Variants in RUSC2 observed in about 807,000 individuals in gnomAD.
RUSC2 encodes RUN and SH3 domain containing 2, also known as AP-4 complex accessory subunit RUSC2.
In RUSC2, 34 loss-of-function variants were observed where a neutral mutation model predicts 122.2. That is an observed-to-expected ratio of 0.28 (90% CI 0.21 to 0.37). RUSC2 has a LOEUF of 0.37. RUSC2 is among the 10% of genes least tolerant of loss of function. RUSC2 has a pLI of 1.00. For synonymous variants in RUSC2, 784 were observed against 790.0 expected, an observed-to-expected ratio of 0.99 and a Z score of 0.13; for missense variants, 1,747 against 1,952.4, an observed-to-expected ratio of 0.89 and a Z score of 1.98.
chr9:35,546,403 G>A lies in RUSC2; in HGVS notation c.-92-27G>A. The A allele has an allele frequency of 1.4e-6, 1 of 698,010 alleles. No homozygotes were observed. The highest frequency in any genetic ancestry group is 2.1e-6 in the Non-Finnish European group (1 of 480,870). The allele number at this position is 698,010 out of a possible 1,614,324, so 43.2% of individuals were successfully genotyped here. A position where few individuals can be genotyped will look rare whatever the true frequency, so the allele number is the denominator to read the frequency against. ...CTGACTTCCAGGGAGGTGACATTAG[G>A]TTCCCTTTCTTTCCCTCTCTCTCCA... On this transcript the variant is annotated intron_variant, in intron 1 of 11. Coordinates refer to ENST00000361226, the MANE Select transcript of RUSC2 (RefSeq NM_014806.5). The surrounding 1 kb of genome is among the most constrained non-coding windows in gnomAD (Gnocchi z 4.3).
At chr9:35,542,083 GA>G (rs1821653093) in intron 1 of RUSC2, among the ~76,000 whole-genome samples, 1 of 152,168 alleles carries the variant, frequency 6.6e-6, no homozygotes, top group Admixed American at 6.5e-5. Flanking sequence ...GGCAAAGCAT[GA>G]GTACAAAATC....
intron 2 of RUSC2, chr9:35,549,095 A>G: frequency 2.0e-6 from 2 of 985,308 alleles, no homozygotes; most frequent in Non-Finnish European, 2.4e-6. Flanking sequence ...AGGCTGACAT[A>G]TTGGGAAATG....
chr9:35,547,750 C>G lies in RUSC2; in HGVS notation c.1229C>G (p.Pro410Arg). 6.2e-7 allele frequency: 1 copy of G among 1,614,198 alleles called. No homozygotes were observed. Among genetic ancestry groups the G allele is most frequent in the Non-Finnish European group, 8.5e-7 (1 of 1,180,050 alleles). The change falls in exon 2 of 12, where the codon CCA becomes CGA. Residue 410 changes from proline to arginine, a missense_variant. Pro to Arg is a moderately radical substitution (Grantham distance 103). Transcript: ENST00000361226. This position sits in a 1 kb window ranked among gnomAD's most constrained non-coding sequence, Gnocchi z 4.6. ...TGTGACCTATCTTCCCAATCATCCC[C>G]AAGCCCTGCTGGCTCTTCCATCACT... ...VTCDLSSQSS[P>R]SPAGSSITSC...
Position 35,547,014 on chromosome 9 carries a change from C to G in RUSC2, c.493C>G (p.Arg165Gly). 1 of 1,605,762 alleles carries G rather than the reference C, an allele frequency of 6.2e-7. No individual in the cohort carries two copies. Among genetic ancestry groups the G allele is most frequent in the South Asian group, 1.1e-5 (1 of 89,660 alleles). The change falls in exon 2 of 12, where the codon CGG (arginine) becomes GGG (glycine). Residue 165 changes from arginine to glycine, a missense_variant. Coordinates refer to ENST00000361226, the MANE Select transcript of RUSC2 (RefSeq NM_014806.5). The surrounding 1 kb of genome is among the most constrained non-coding windows in gnomAD (Gnocchi z 4.6). Reference protein sequence around the residue: ...VGRPWGTTRSRAGVVEGQEQE... With the variant: ...VGRPWGTTRSGAGVVEGQEQE... ...CAGGCCATGGGGGACAACACGCAGTCGGGCTGGAGTGGTGGAAGGGCAGGA... is the reference window on the plus strand; with the variant it reads ...CAGGCCATGGGGGACAACACGCAGTGGGGCTGGAGTGGTGGAAGGGCAGGA...
chr9:35,544,256 A>T (rs1821699272), intron 1 of RUSC2, among the ~76,000 whole-genome samples: 1 of 151,698 alleles, frequency 6.6e-6, no homozygotes, highest in Non-Finnish European at 1.5e-5. Context: ...TGTCTTCTTC[A>T]GAGAAATGCC....
chr9:35,522,239 T>C (rs1587846878), intron 1 of RUSC2, among the ~76,000 whole-genome samples: 1 of 152,232 alleles, frequency 6.6e-6, no homozygotes, highest in East Asian at 1.9e-4. Flanking sequence ...TTTACAAACA[T>C]TTGATTTGGG....
intron 2 of RUSC2, among the ~76,000 whole-genome samples, chr9:35,552,620 G>A (rs990797122): frequency 1.3e-5 from 2 of 152,192 alleles, no homozygotes; most frequent in Admixed American, 1.3e-4. Context: ...ATAGACTCCA[G>A]AAAGAAAGAG....
intron 1 of RUSC2, among the ~76,000 whole-genome samples, chr9:35,493,407 C>T (rs368004739): frequency 3.8e-4 from 58 of 152,198 alleles, no homozygotes; most frequent in Non-Finnish European, 6.3e-4. Context: ...AGGTTGATTC[C>T]GTGGCTTTGC....
At chr9:35,559,347 CTT>C (rs1251941281) in intron 9 of RUSC2, 75 bp downstream of exon 9, 76 of 1,273,916 alleles carry the variant, frequency 6.0e-5, no homozygotes, top group Non-Finnish European at 7.9e-5. Flanking sequence ...GAAGAGCTGT[CTT>C]TTCATTGCTG....
At chr9:35,554,197 T>C (rs1001750756) in intron 2 of RUSC2, among the ~76,000 whole-genome samples, 4 of 152,200 alleles carry the variant, frequency 2.6e-5, no homozygotes, top group Admixed American at 1.3e-4. Context: ...CCATCCACTG[T>C]CCCACTCCAG....
At chr9:35,544,542 A>G (rs10972507) in intron 1 of RUSC2, among the ~76,000 whole-genome samples, 100,861 of 151,926 alleles carry the variant, frequency 0.66, 34,000 homozygotes, top group Admixed American at 0.73. Context: ...TCCTGACCTC[A>G]TGATTCTCCC....
intron 1 of RUSC2, among the ~76,000 whole-genome samples, chr9:35,491,747 C>G (rs539341119): frequency 1.3e-5 from 2 of 152,276 alleles, no homozygotes; most frequent in South Asian, 2.1e-4. Context: ...GTCAGAAGTT[C>G]AAGATCAGCC....
intron 1 of RUSC2, among the ~76,000 whole-genome samples, chr9:35,523,750 G>C (rs901827254): frequency 1.3e-5 from 2 of 151,990 alleles, no homozygotes; most frequent in Non-Finnish European, 2.9e-5. Context: ...AGGAAGTGGA[G>C]GTTGCAGTGA....
rs867733488 is a variant in RUSC2 at position 35,559,679 on chromosome 9, G to A, written c.3389-350G>A. ...GAACCTGAGAGGCAGAGGTTGCAGT[G>A]AGCCGAGATCATGCCACTGCACTCC... is the stretch of plus-strand genomic sequence containing the variant. On this transcript the variant is annotated intron_variant, in intron 9 of 11. Transcript: ENST00000361226. Among the ~76,000 whole-genome samples, 6 of 152,320 alleles carry A rather than the reference G, an allele frequency of 3.9e-5. No homozygotes were observed. The South Asian group carries it at 6.2e-4, about 16-fold the overall frequency.
intron 1 of RUSC2, among the ~76,000 whole-genome samples, chr9:35,521,707 CTA>C (rs1177150112): frequency 6.6e-6 from 1 of 152,356 alleles, no homozygotes; most frequent in East Asian, 1.9e-4. Flanking sequence ...AAAGAGGACT[CTA>C]TATTAAGGAA....
Position 35,558,437 on chromosome 9 carries a change from A to T in RUSC2, c.3236-25A>T. The T allele has an allele frequency of 1.1e-5, 18 of 1,613,932 alleles. No homozygotes were observed. Among genetic ancestry groups the T allele is most frequent in the Non-Finnish European group, 1.4e-5 (17 of 1,179,888 alleles). On this transcript the variant is annotated intron_variant, in intron 7 of 11. Coordinates refer to ENST00000361226, the MANE Select transcript of RUSC2 (RefSeq NM_014806.5). This position sits in a 1 kb window ranked among gnomAD's most constrained non-coding sequence, Gnocchi z 4.3. ...TAGGGCTCCAGAAATTGGTCATGTG[A>T]CCTGCAACCCTGGCTTCCTCCCAGG...
intron 1 of RUSC2, among the ~76,000 whole-genome samples, chr9:35,497,277 A>G (rs1402158623): frequency 6.6e-6 from 1 of 152,234 alleles, no homozygotes; most frequent in Non-Finnish European, 1.5e-5. Flanking sequence ...ATCACTGAGA[A>G]GCAACATTCA....
chr9:35,519,603 T>G (rs932768884), intron 1 of RUSC2, among the ~76,000 whole-genome samples: 1 of 152,144 alleles, frequency 6.6e-6, no homozygotes, highest in African/African-American at 2.4e-5. Context: ...AAAAAAGGAA[T>G]GTGACCCTTC....
chr9:35,517,345 G>A (rs1821127755), intron 1 of RUSC2, among the ~76,000 whole-genome samples: 1 of 152,220 alleles, frequency 6.6e-6, no homozygotes, highest in Admixed American at 6.5e-5. Context: ...GAAGGCTTGT[G>A]TTAGGTTTAG....
Sources: allele counts gnomAD v4.1 joint callset (sites outside exome capture counted in the v4.1 genomes callset), GRCh38; gene constraint gnomAD v4.1.1; non-coding constraint Gnocchi (gnomAD v3.1); transcripts MANE v1.5; gene names NCBI Gene and HGNC (gene_info 2026-07-23, HGNC 2026-07-21).